CDH18: variants seen among roughly 807,000 people sequenced by gnomAD.
The protein encoded by CDH18 is cadherin-18.
In CDH18, 31 loss-of-function variants were observed where a neutral mutation model predicts 67.9. The ratio of observed to expected loss-of-function variants is 0.46; its 90% CI spans 0.34 to 0.62. The LOEUF is 0.62. CDH18 is among the 20% of genes least tolerant of loss of function. The pLI is 0.01. For synonymous variants in CDH18, 362 were observed against 347.2 expected, an observed-to-expected ratio of 1.04 and a Z score of -0.48; for missense variants, 890 against 975.5, an observed-to-expected ratio of 0.91 and a Z score of 1.17.
rs1483421823 is a variant in CDH18 at position 20,414,836 on chromosome 5, A to C, written c.-579-159331T>G. On this transcript the variant is annotated intron_variant, in intron 1 of 14. Coordinates refer to the CDH18 transcript ENST00000507958. ...AACAGCAATAGCAACCACAGCAAAAACAAATGTTGCTGAGGGTCTAGAGAA... is the reference window on the plus strand; with the variant it reads ...AACAGCAATAGCAACCACAGCAAAACCAAATGTTGCTGAGGGTCTAGAGAA... Among the ~76,000 whole-genome samples the C allele has an allele frequency of 3.3e-5, 5 of 152,114 alleles. No homozygotes were observed. In the East Asian group the frequency reaches 9.6e-4, roughly 29 times the overall value.
intron 1 of CDH18, among the ~76,000 whole-genome samples, chr5:20,338,625 T>C (rs1739987312): frequency 6.6e-6 from 1 of 152,224 alleles, no homozygotes; most frequent in Non-Finnish European, 1.5e-5. Flanking sequence ...TACATCCTTT[T>C]GAGACATCTG....
At chr5:20,087,577 C>A (rs1450735906) in intron 2 of CDH18, among the ~76,000 whole-genome samples, 2 of 152,006 alleles carry the variant, frequency 1.3e-5, no homozygotes, top group African/African-American at 2.4e-5. Context: ...TATCAGTCAG[C>A]AGCCATTAGC....
intron 1 of CDH18, among the ~76,000 whole-genome samples, chr5:20,340,085 G>A (rs953302731): frequency 2.0e-5 from 3 of 152,152 alleles, no homozygotes; most frequent in Admixed American, 1.3e-4. Context: ...CCAGGGCCAA[G>A]CTTCTTCATT....
rs192983028 is a variant in CDH18 at position 19,843,527 on chromosome 5, G to T, written c.-256-4285C>A. Among the ~76,000 whole-genome samples, 157 of 152,164 alleles carry T rather than the reference G, an allele frequency of 1.0e-3. 3 individuals are homozygous for T. The East Asian group carries it at 0.019, about 19-fold the overall frequency. ...ATTGCAGGGGTGGAGCCCTCATGGA[G>T]AAACTCTGTTAGAGCAGTGCAGAAG... On this transcript the variant is annotated intron_variant, in intron 2 of 12. Coordinates refer to ENST00000382275, the MANE Select transcript of CDH18 (RefSeq NM_004934.5).
chr5:20,280,789 G>T (rs930438040), intron 1 of CDH18, among the ~76,000 whole-genome samples: 6 of 152,044 alleles, frequency 3.9e-5, no homozygotes, highest in African/African-American at 4.8e-5. Context: ...CCACACTGAC[G>T]TCCACAAGGG....
At chr5:20,541,037 C>A (rs1757022699) in intron 1 of CDH18, among the ~76,000 whole-genome samples, 1 of 152,156 alleles carries the variant, frequency 6.6e-6, no homozygotes, top group African/African-American at 2.4e-5. Flanking sequence ...GGGCTACGTG[C>A]TATTTGGTCA....
rs775929882 is a variant in CDH18, at chr5:20,053,314, T to TACAC, written c.-517-61304_-517-61301dup. On this transcript the variant is annotated intron_variant, in intron 2 of 14. Transcript: ENST00000507958. ...ATATATGTAGTATATATAGCATACA[T>TACAC]ACACACACACACACACAAAGGTCAC... Among the ~76,000 whole-genome samples the TACAC allele has an allele frequency of 5.3e-4, 80 of 149,630 alleles. 1 individual carries two copies. The highest frequency in any genetic ancestry group is 1.2e-3 in the Admixed American group (18 of 14,934).
chr5:20,400,623 G>C (rs1224939544), intron 1 of CDH18, among the ~76,000 whole-genome samples: 1 of 149,540 alleles, frequency 6.7e-6, no homozygotes, highest in African/African-American at 2.5e-5. Context: ...GCGAGGTGTG[G>C]TGGTGGCACA....
chr5:19,598,691 ATTGT>A (rs1746571582), intron 6 of CDH18, among the ~76,000 whole-genome samples: 1 of 152,134 alleles, frequency 6.6e-6, no homozygotes, highest in Admixed American at 6.6e-5. Flanking sequence ...CTTCCCTAAA[ATTGT>A]TTATGTCCAT....
intron 2 of CDH18, among the ~76,000 whole-genome samples, chr5:20,175,234 C>G (rs540055884): frequency 6.6e-6 from 1 of 152,004 alleles, no homozygotes; most frequent in South Asian, 2.1e-4. Context: ...GGAAAGAGAG[C>G]AGGAGGAGGA....
At chr5:20,391,996 A>C (rs10057173) in intron 1 of CDH18, among the ~76,000 whole-genome samples, 28,366 of 151,926 alleles carry the variant, frequency 0.19, 2,909 homozygotes, top group African/African-American at 0.25. Flanking sequence ...TATTAATATA[A>C]AATCTAAATG....
intron 8 of CDH18, among the ~76,000 whole-genome samples, chr5:19,557,638 T>C (rs1738674659): frequency 6.6e-6 from 1 of 151,946 alleles, no homozygotes; most frequent in Non-Finnish European, 1.5e-5. Context: ...ATTTGTTAAA[T>C]ATAAAACAGT....
chr5:20,119,927 T>C (rs1008531828), intron 2 of CDH18, among the ~76,000 whole-genome samples: 9 of 151,938 alleles, frequency 5.9e-5, no homozygotes, highest in Non-Finnish European at 1.2e-4. Context: ...ACTTAAAATA[T>C]AAATATAAAT....
At chr5:20,097,414 C>T (rs1746083627) in intron 2 of CDH18, among the ~76,000 whole-genome samples, 1 of 152,050 alleles carries the variant, frequency 6.6e-6, no homozygotes, top group Non-Finnish European at 1.5e-5. Flanking sequence ...AGGGGAATTG[C>T]CCTTTATAAA....
intron 5 of CDH18, among the ~76,000 whole-genome samples, chr5:19,659,990 T>A (rs1407103350): frequency 2.0e-5 from 3 of 152,108 alleles, no homozygotes; most frequent in Non-Finnish European, 2.9e-5. Context: ...AATTTGAGAA[T>A]CTTATAACAA....
chr5:19,699,624 GTGTGTGTGTGTGTGTGTC>G lies in CDH18; in HGVS notation c.643+21705_643+21722del, dbSNP rs1221320809. Among the ~76,000 whole-genome samples, 26 of 119,302 alleles carry G rather than the reference GTGTGTGTGTGTGTGTGTC, an allele frequency of 2.2e-4. 1 individual carries two copies. Among genetic ancestry groups the G allele is most frequent in the African/African-American group, 8.7e-4 (25 of 28,752 alleles). The allele number at this position is 119,302 out of a possible 152,430, so 78.3% of individuals were successfully genotyped here. A position where few individuals can be genotyped will look rare whatever the true frequency, so the allele number is the denominator to read the frequency against. The stretch of plus-strand genomic sequence containing the variant: ...TCTCTCTTTCTCCATGTGTGTGTGT[GTGTGTGTGTGTGTGTGTC>G]TGTGTGTGTGTGTGTGTGTGTGTTT... On this transcript the variant is annotated intron_variant, in intron 5 of 12. Transcript: ENST00000382275.
chr5:20,389,675 G>A lies in CDH18; in HGVS notation c.-579-134170C>T, dbSNP rs180834001. Among the ~76,000 whole-genome samples, 210 of 152,094 alleles carry A rather than the reference G, an allele frequency of 1.4e-3. 1 individual carries two copies. Among genetic ancestry groups the A allele is most frequent in the Non-Finnish European group, 2.3e-3 (159 of 67,968 alleles). On this transcript the variant is annotated intron_variant, in intron 1 of 14. Transcript: ENST00000507958. ...ATGGAACCAAAAAAGAGCCCGCATC[G>A]CCAAGTCAATCCTAAGCCAAAAGAA...
At chr5:20,341,872 G>A (rs2150044429) in intron 1 of CDH18, among the ~76,000 whole-genome samples, 1 of 152,212 alleles carries the variant, frequency 6.6e-6, no homozygotes, top group Admixed American at 6.5e-5. Context: ...GAAGCAAGGA[G>A]TTTAGTGACT....
intron 5 of CDH18, among the ~76,000 whole-genome samples, chr5:19,679,579 T>C (rs1215621765): frequency 2.6e-5 from 4 of 152,022 alleles, no homozygotes; most frequent in Admixed American, 1.3e-4. Context: ...AAAAGGCTCC[T>C]AGAACTGATA....
Sources: allele counts gnomAD v4.1 joint callset (sites outside exome capture counted in the v4.1 genomes callset), GRCh38; gene constraint gnomAD v4.1.1; transcripts MANE v1.5; gene names NCBI Gene and HGNC (gene_info 2026-07-23, HGNC 2026-07-21).